DNAJC13: variants seen among roughly 807,000 people sequenced by gnomAD.
DNAJC13 encodes dnaJ homolog subfamily C member 13.
A neutral mutation model predicts 290.5 loss-of-function variants in DNAJC13; 75 were observed. The ratio of observed to expected loss-of-function variants is 0.26; its 90% CI spans 0.21 to 0.31. The LOEUF (loss-of-function observed/expected upper bound fraction) is 0.31. Ranked by LOEUF, DNAJC13 falls within the 10% of genes least tolerant of loss-of-function variation. The pLI is 1.00. For synonymous variants in DNAJC13, 862 were observed against 892.0 expected, an observed-to-expected ratio of 0.97 and a Z score of 0.60; for missense variants, 2,260 against 2,674.5, an observed-to-expected ratio of 0.85 and a Z score of 3.42.
At chr3:132,419,894 T>C (rs1291099185) in intron 1 of DNAJC13, among the ~76,000 whole-genome samples, 1 of 152,236 alleles carries the variant, frequency 6.6e-6, no homozygotes, top group Non-Finnish European at 1.5e-5. Context: ...TAGTAACACC[T>C]TCTTTGCTAT....
chr3:132,523,390 A>G (rs1936156978), intron 50 of DNAJC13, 150 bp from the exon 51 acceptor site: 1 of 1,197,466 alleles, frequency 8.4e-7, no homozygotes, highest in African/African-American at 1.6e-5. Context: ...CCCTTTCTGA[A>G]CTTTATTAAG....
intron 43 of DNAJC13, 36 bp from the exon 44 acceptor site, chr3:132,511,031 A>G (rs745900060): frequency 1.3e-6 from 2 of 1,596,848 alleles, no homozygotes; most frequent in Non-Finnish European, 1.7e-6. Context: ...TTCTTAGGGC[A>G]CCCATGTTGT....
At chr3:132,471,631 C>T (rs548762906) in intron 20 of DNAJC13, among the ~76,000 whole-genome samples, 1 of 134,438 alleles carries the variant, frequency 7.4e-6, no homozygotes, top group Admixed American at 7.4e-5. Context: ...GAGGCGCTCC[C>T]CACATCTCAG....
intron 20 of DNAJC13, among the ~76,000 whole-genome samples, chr3:132,471,109 T>G (rs1278778306): frequency 3.2e-4 from 19 of 59,540 alleles, no homozygotes; most frequent in East Asian, 5.7e-4. Context: ...GCTGGCCGGG[T>G]GGGGGGGCTG....
intron 47 of DNAJC13, 41 bp from the exon 48 acceptor site, chr3:132,516,663 T>G: frequency 6.4e-7 from 1 of 1,568,272 alleles, no homozygotes; most frequent in South Asian, 1.2e-5. Flanking sequence ...ATTAGAAAAG[T>G]CAAATTCTTT....
In DNAJC13 at chr3:132,526,257, G is replaced by A; in HGVS notation, c.6357G>A (p.Lys2119=). 1 of 1,614,014 alleles carries A rather than the reference G, an allele frequency of 6.2e-7. No individual in the cohort carries two copies. Among genetic ancestry groups the A allele is most frequent in the South Asian group, 1.1e-5 (1 of 91,080 alleles). ...AAGCAATTAATCGAATGTTTCAGAA[G>A]GAGCAGAGTGAATTAGTAGCACAAG... The part of the protein sequence containing the change: ...ACEAINRMFQ[K]EQSELVAQAL... Residue 2119 remains lysine (K), a synonymous_variant, in exon 53 of 56, where the codon AAG becomes AAA. Coordinates refer to ENST00000260818, the MANE Select transcript of DNAJC13 (RefSeq NM_015268.4).
Position 132,456,731 on chromosome 3 carries a change from G to T in DNAJC13, c.1248G>T (p.Gly416=). ...NAITALLSQE[G]DVVASNAELE... ...TAACAGCATTACTGTCCCAAGAAGG[G>T]GATGTCGTTGCTTCAAATGCGGAAC... Residue 416 remains glycine, a synonymous_variant, in exon 12 of 56, where the codon GGG becomes GGT. Coordinates refer to ENST00000260818, the MANE Select transcript of DNAJC13 (RefSeq NM_015268.4). 2 of 1,614,080 alleles carry T rather than the reference G, an allele frequency of 1.2e-6. No homozygotes were observed. Among genetic ancestry groups the T allele is most frequent in the Non-Finnish European group, 1.7e-6 (2 of 1,179,960 alleles).
In DNAJC13 at chr3:132,500,869, C is replaced by T. The variant is rs1343021055; in HGVS notation, c.4492C>T (p.Pro1498Ser). Residue 1498 changes from proline to serine, a missense_variant, in exon 39 of 56, where the codon CCT (proline) becomes TCT (serine). Physicochemically the swap from Pro to Ser is moderately conservative, Grantham distance 74 (BLOSUM62 -1). Transcript: ENST00000260818. ...EECREKITEM[P>S]SIIKDLCRVL... ...ATGCCGAGAGAAGATCACGGAAATG[C>T]CTAGCATCATCAAGGATCTCTGTCG... is the stretch of plus-strand genomic sequence containing the variant. The T allele has an allele frequency of 6.2e-7, 1 of 1,613,934 alleles. No homozygotes were observed. Among genetic ancestry groups the T allele is most frequent in the Non-Finnish European group, 8.5e-7 (1 of 1,179,950 alleles).
intron 20 of DNAJC13, among the ~76,000 whole-genome samples, chr3:132,471,130 C>T (rs1934229525): frequency 7.5e-6 from 1 of 132,452 alleles, no homozygotes; most frequent in Admixed American, 7.3e-5. Flanking sequence ...ACCCCCCCAT[C>T]TCCCTCCTGG....
chr3:132,456,279 G>A lies in DNAJC13; in HGVS notation c.977G>A (p.Gly326Asp). The stretch of plus-strand genomic sequence containing the variant: ...TTGCTGGATGGAGTAAGAGCCTCTG[G>A]TAATAGAGATGTTTGTGTAAAAATG... ...ASLLDGVRAS[G>D]NRDVCVKMTP... Residue 326 changes from glycine (G) to aspartate (D), a missense_variant, in exon 10 of 56, where the codon GGT (glycine) becomes GAT (aspartate). Gly to Asp is a moderately conservative substitution (Grantham distance 94). Transcript: ENST00000260818. 1 of 1,613,856 alleles carries A rather than the reference G, an allele frequency of 6.2e-7. No homozygotes were observed. Among genetic ancestry groups the A allele is most frequent in the Non-Finnish European group, 8.5e-7 (1 of 1,179,828 alleles).
At chr3:132,433,352 C>G (rs1169257130) in intron 1 of DNAJC13, among the ~76,000 whole-genome samples, 1 of 152,224 alleles carries the variant, frequency 6.6e-6, no homozygotes, top group Non-Finnish European at 1.5e-5. Flanking sequence ...CCACCTCAGC[C>G]TCAGAATAAT....
In DNAJC13 at chr3:132,478,058, C is replaced by T. The variant is rs370901273; in HGVS notation, c.2627C>T (p.Ala876Val). 1.3e-5 allele frequency: 21 copies of T among 1,613,312 alleles called. No individual in the cohort carries two copies. The highest frequency in any genetic ancestry group is 2.7e-5 in the African/African-American group (2 of 74,810). Residue 876 changes from alanine to valine, a missense_variant, in exon 24 of 56, where the codon GCC becomes GTC. Ala to Val is a moderately conservative substitution (Grantham distance 64). Transcript: ENST00000260818. ...AACATGAAGTGTTTATGTTTACAAG[C>T]CCTTGCTATTGTTTATGGCAGATGT... The part of the protein sequence containing the change: ...KVNMKCLCLQ[A>V]LAIVYGRCHE...
chr3:132,427,524 C>T, intron 1 of DNAJC13, among the ~76,000 whole-genome samples: 1 of 152,028 alleles, frequency 6.6e-6, no homozygotes, highest in East Asian at 1.9e-4. Flanking sequence ...AAATGGCATC[C>T]TCATGTACAT....
At position 132,516,468 on chromosome 3, in the gene DNAJC13, A is replaced by G. The variant is rs752151296; in HGVS notation, c.5532A>G (p.Thr1844=). 22 of 1,613,848 alleles carry G rather than the reference A, an allele frequency of 1.4e-5. No homozygotes were observed. Among genetic ancestry groups the G allele is most frequent in the Non-Finnish European group, 1.8e-5 (21 of 1,179,766 alleles). The change falls in exon 47 of 56, where the codon ACA becomes ACG. Residue 1844 remains threonine, a synonymous_variant. Coordinates refer to ENST00000260818, the MANE Select transcript of DNAJC13 (RefSeq NM_015268.4). ...LETLYALTSS[T]KIIKEAMAKG... is the part of the protein sequence containing the mutation. Reference sequence around the variant, plus strand: ...CTCTTTATGCTTTGACATCGAGTACAAAAATAATCAAAGAAGCAATGGCAA... The same window carrying G: ...CTCTTTATGCTTTGACATCGAGTACGAAAATAATCAAAGAAGCAATGGCAA...
rs1933642953 is a variant in DNAJC13 at position 132,457,341 on chromosome 3, A to C, written c.1422A>C (p.Ala474=). 2 of 1,613,566 alleles carry C rather than the reference A, an allele frequency of 1.2e-6. No individual in the cohort carries two copies. Among genetic ancestry groups the C allele is most frequent in the Non-Finnish European group, 1.7e-6 (2 of 1,179,684 alleles). Residue 474 remains alanine, a synonymous_variant, in exon 13 of 56, where the codon GCA becomes GCC. Transcript: ENST00000260818. ...GCAACAACGGAATAATCCATGCAGC[A>C]GTTGATATGCTTTGTGCCCTTATGT... is the stretch of plus-strand genomic sequence containing the variant. ...KRSNNGIIHA[A]VDMLCALMCP... is the part of the protein sequence containing the mutation.
chr3:132,493,590 A>G (rs1007082776), intron 33 of DNAJC13, among the ~76,000 whole-genome samples: 6 of 152,150 alleles, frequency 3.9e-5, no homozygotes, highest in Admixed American at 1.3e-4. Flanking sequence ...GCTCCTTGGC[A>G]CATAGGCAGG....
intron 28 of DNAJC13, chr3:132,484,368 T>C (rs1454288204): frequency 3.4e-6 from 2 of 586,678 alleles, no homozygotes; most frequent in African/African-American, 1.9e-5. Context: ...TCTAGGGTAC[T>C]GTTTTTCAAG....
At chr3:132,474,088 G>A (rs1934378531) in intron 21 of DNAJC13, among the ~76,000 whole-genome samples, 1 of 152,160 alleles carries the variant, frequency 6.6e-6, no homozygotes, top group South Asian at 2.1e-4. Flanking sequence ...GTCATAGCTT[G>A]GCAGTTTGCA....
At chr3:132,484,390 G>A (rs1410941705) in intron 28 of DNAJC13, 198 bp from the exon 29 acceptor site, 12 of 603,254 alleles carry the variant, frequency 2.0e-5, no homozygotes, top group Non-Finnish European at 3.3e-5. Flanking sequence ...AAATCTTATG[G>A]AAGGAAATGA....
Sources: allele counts gnomAD v4.1 joint callset (sites outside exome capture counted in the v4.1 genomes callset), GRCh38; gene constraint gnomAD v4.1.1; transcripts MANE v1.5; gene names NCBI Gene and HGNC (gene_info 2026-07-23, HGNC 2026-07-21).